The following UIMC1 variants were observed in gnomAD, a reference collection of about 807,000 sequenced individuals.
The protein encoded by UIMC1 is ubiquitin interaction motif containing 1, also known as BRCA1-A complex subunit RAP80.
In UIMC1, 42 loss-of-function variants were observed where a neutral mutation model predicts 84.9. That is an observed-to-expected ratio of 0.49 (90% CI 0.39 to 0.64). UIMC1 has a LOEUF of 0.64. Among genes scored for constraint, UIMC1 ranks in the 30% least tolerant of loss-of-function variants. UIMC1 has a pLI of 0.00. For synonymous variants in UIMC1, 281 were observed against 293.0 expected, an observed-to-expected ratio of 0.96 and a Z score of 0.42; for missense variants, 825 against 847.6, an observed-to-expected ratio of 0.97 and a Z score of 0.33.
intron 6 of UIMC1, among the ~76,000 whole-genome samples, chr5:176,967,432 C>CA (rs752997942): frequency 3.9e-4 from 60 of 152,080 alleles, no homozygotes; most frequent in Non-Finnish European, 7.1e-4. Flanking sequence ...CTGCTTGTAC[C>CA]AGATAAAGTA....
chr5:176,907,778 T>A (rs1759585907), intron 12 of UIMC1, among the ~76,000 whole-genome samples: 1 of 152,254 alleles, frequency 6.6e-6, no homozygotes, highest in Admixed American at 6.5e-5. Flanking sequence ...AGTGGGATTA[T>A]AAATTGGATA....
At chr5:176,990,038 A>G (rs541434583) in intron 1 of UIMC1, among the ~76,000 whole-genome samples, 1 of 152,050 alleles carries the variant, frequency 6.6e-6, no homozygotes, top group South Asian at 2.1e-4. Context: ...AAAATTAGCC[A>G]GGCGTGGTGG....
chr5:177,017,671 C>T (rs868828997), intron 1 of UIMC1, among the ~76,000 whole-genome samples: 1,603 of 138,178 alleles, frequency 0.012, 10 homozygotes, highest in South Asian at 0.027. Flanking sequence ...CACGCTGGCC[C>T]TTTTTTTTTT....
chr5:176,954,456 C>T (rs529957074), intron 8 of UIMC1, among the ~76,000 whole-genome samples: 6 of 152,172 alleles, frequency 3.9e-5, no homozygotes, highest in East Asian at 1.9e-4. Flanking sequence ...CCAACATAGG[C>T]TGAGCACGAT....
At chr5:176,959,648 G>A (rs1351042215) in intron 6 of UIMC1, among the ~76,000 whole-genome samples, 3 of 148,276 alleles carry the variant, frequency 2.0e-5, no homozygotes, top group Admixed American at 6.7e-5. Flanking sequence ...CCCGGGAGGC[G>A]GAGCTTGCAG....
intron 10 of UIMC1, 37 bp downstream of exon 10, chr5:176,943,298 A>G (rs578026512): frequency 1.9e-6 from 3 of 1,601,578 alleles, no homozygotes; most frequent in South Asian, 2.2e-5. Flanking sequence ...CCACCACACA[A>G]AAAAGTAAGA....
intron 1 of UIMC1, among the ~76,000 whole-genome samples, chr5:177,017,828 A>G (rs1423834544): frequency 1.3e-5 from 2 of 151,284 alleles, no homozygotes; most frequent in Non-Finnish European, 2.9e-5. Flanking sequence ...AATTTTTTTA[A>G]TTTTGTAGAG....
intron 12 of UIMC1, among the ~76,000 whole-genome samples, chr5:176,907,828 T>C (rs1375727888): frequency 2.0e-5 from 3 of 152,186 alleles, no homozygotes; most frequent in Non-Finnish European, 4.4e-5. Flanking sequence ...CGAGACACTT[T>C]AAAATTTGTA....
At chr5:177,000,561 C>T (rs1006355144) in intron 1 of UIMC1, among the ~76,000 whole-genome samples, 15 of 141,864 alleles carry the variant, frequency 1.1e-4, no homozygotes, top group Non-Finnish European at 2.1e-4. Flanking sequence ...AGTGCAATGG[C>T]ACAATCTCGG....
At chr5:176,957,695 A>C (rs1219467537) in intron 7 of UIMC1, among the ~76,000 whole-genome samples, 1 of 152,222 alleles carries the variant, frequency 6.6e-6, no homozygotes, top group African/African-American at 2.4e-5. Flanking sequence ...AATAAGCATA[A>C]GCAGAGTTGG....
At chr5:176,994,150 T>C (rs1773264887) in intron 1 of UIMC1, among the ~76,000 whole-genome samples, 1 of 152,032 alleles carries the variant, frequency 6.6e-6, no homozygotes, top group Non-Finnish European at 1.5e-5. Context: ...TTTACATCTC[T>C]AGGTGGATTC....
At chr5:177,017,538 C>T (rs112457612) in intron 1 of UIMC1, among the ~76,000 whole-genome samples, 5,024 of 152,214 alleles carry the variant, frequency 0.033, 299 homozygotes, top group African/African-American at 0.11. Flanking sequence ...CAGGCTTCTG[C>T]CACCATGCCT....
At chr5:177,012,013 G>A (rs996511713) in intron 1 of UIMC1, among the ~76,000 whole-genome samples, 1 of 152,042 alleles carries the variant, frequency 6.6e-6, no homozygotes, top group Non-Finnish European at 1.5e-5. Flanking sequence ...TGTTAGACAG[G>A]ATAGTCTCGA....
At position 176,969,119 on chromosome 5, in the gene UIMC1, C is replaced by T. The variant is rs762358485; in HGVS notation, c.636G>A (p.Val212=). ...TACATCTGTCAAAAGATTTAACGTTCACATTCTCAAACACTGGCTGGCTTG... is the reference window on the plus strand; with the variant it reads ...TACATCTGTCAAAAGATTTAACGTTTACATTCTCAAACACTGGCTGGCTTG... The part of the protein sequence containing the change: ...DQSSQPVFEN[V]NVKSFDRCTG... The change falls in exon 6 of 15, where the codon GTG becomes GTA. Residue 212 remains valine (V), a synonymous_variant. Transcript: ENST00000511320. The T allele has an allele frequency of 1.2e-6, 2 of 1,614,214 alleles. No individual in the cohort carries two copies. Among genetic ancestry groups the T allele is most frequent in the Non-Finnish European group, 8.5e-7 (1 of 1,180,026 alleles).
intron 6 of UIMC1, among the ~76,000 whole-genome samples, chr5:176,966,691 T>G (rs779900708): frequency 1.3e-5 from 2 of 152,154 alleles, no homozygotes; most frequent in Non-Finnish European, 2.9e-5. Flanking sequence ...GCAAACTAAA[T>G]GTACCAAGAT....
intron 1 of UIMC1, among the ~76,000 whole-genome samples, chr5:176,991,773 A>C (rs1293316973): frequency 6.6e-6 from 1 of 151,916 alleles, no homozygotes; most frequent in Non-Finnish European, 1.5e-5. Context: ...TCTACTAAAA[A>C]TACAAAAAAT....
At chr5:176,971,128 T>G (rs1316566084) in intron 3 of UIMC1, among the ~76,000 whole-genome samples, 1 of 152,248 alleles carries the variant, frequency 6.6e-6, no homozygotes, top group Non-Finnish European at 1.5e-5. Flanking sequence ...TTCACTGTTA[T>G]ACCTCCAGCA....
At chr5:176,989,656 C>CAA (rs57582576) in intron 1 of UIMC1, among the ~76,000 whole-genome samples, 1,804 of 134,726 alleles carry the variant, frequency 0.013, 38 homozygotes, top group African/African-American at 0.046. Flanking sequence ...GACCCTGCCT[C>CAA]AAAAAAAAAA....
intron 10 of UIMC1, among the ~76,000 whole-genome samples, chr5:176,919,848 C>T (rs1404134083): frequency 6.6e-6 from 1 of 152,192 alleles, no homozygotes; most frequent in Non-Finnish European, 1.5e-5. Flanking sequence ...TTCCACTGAA[C>T]TGTAATGCCT....
Sources: allele counts gnomAD v4.1 joint callset (sites outside exome capture counted in the v4.1 genomes callset), GRCh38; gene constraint gnomAD v4.1.1; transcripts MANE v1.5; gene names NCBI Gene and HGNC (gene_info 2026-07-23, HGNC 2026-07-21).